CTDSPL: variants seen among roughly 807,000 people sequenced by gnomAD.
CTDSPL encodes CTD small phosphatase-like protein.
Under a neutral mutation model 30.5 loss-of-function variants are expected in CTDSPL, and 8 were observed. The observed-to-expected ratio is 0.26, with a 90% CI of 0.15 to 0.47. CTDSPL has a LOEUF of 0.47. CTDSPL is among the 20% of genes least tolerant of loss of function. The pLI is 0.99. For missense variants in CTDSPL, 248 were observed against 366.1 expected (o/e 0.68, Z 2.63); for synonymous variants, 110 against 137.9 (o/e 0.80, Z 1.42).
At chr3:37,949,431 T>TA (rs904074855) in intron 2 of CTDSPL, among the ~76,000 whole-genome samples, 1 of 152,156 alleles carries the variant, frequency 6.6e-6, no homozygotes, top group Non-Finnish European at 1.5e-5. Flanking sequence ...GGCAGTTGGT[T>TA]AAAAAAACTA....
At chr3:37,969,776 CCCCTCGCTCCA>C (rs1158018019) in intron 5 of CTDSPL, among the ~76,000 whole-genome samples, 1 of 152,224 alleles carries the variant, frequency 6.6e-6, no homozygotes, top group African/African-American at 2.4e-5. Context: ...GTTCCTCCAG[CCCCTCGCTCCA>C]CCCTCAGCCA....
At chr3:37,941,774 A>G (rs567033315) in intron 1 of CTDSPL, among the ~76,000 whole-genome samples, 4 of 150,420 alleles carry the variant, frequency 2.7e-5, no homozygotes, top group African/African-American at 4.8e-5. Context: ...CCTTGGGAAA[A>G]TGGCAGCATG....
At chr3:37,882,165 G>A (rs537382683) in intron 1 of CTDSPL, among the ~76,000 whole-genome samples, 4 of 152,210 alleles carry the variant, frequency 2.6e-5, no homozygotes, top group Non-Finnish European at 5.9e-5. Flanking sequence ...AATATTGGCT[G>A]GGCACGGTGG....
chr3:37,915,861 A>G (rs975212326), intron 1 of CTDSPL, among the ~76,000 whole-genome samples: 1 of 152,228 alleles, frequency 6.6e-6, no homozygotes, highest in African/African-American at 2.4e-5. Context: ...ATAATAGGTG[A>G]AAACTTCTAG....
At chr3:37,918,700 G>A in intron 1 of CTDSPL, among the ~76,000 whole-genome samples, 1 of 152,238 alleles carries the variant, frequency 6.6e-6, no homozygotes, top group East Asian at 1.9e-4. Context: ...TTCTTTAATT[G>A]TGGTAGAGTT....
chr3:37,895,379 T>C (rs2125598584), intron 1 of CTDSPL, among the ~76,000 whole-genome samples: 1 of 152,258 alleles, frequency 6.6e-6, no homozygotes, highest in Middle Eastern at 3.4e-3. Flanking sequence ...AGCCAAAGAT[T>C]TGGGCAGTTT....
At chr3:37,919,897 T>G (rs1432973313) in intron 1 of CTDSPL, among the ~76,000 whole-genome samples, 3 of 151,998 alleles carry the variant, frequency 2.0e-5, no homozygotes, top group Non-Finnish European at 4.4e-5. Flanking sequence ...GGCTAGAAGG[T>G]CAGGAGCCCA....
rs1699412025 is a variant in CTDSPL at position 37,975,254 on chromosome 3, C to G, written c.520-455C>G. Reference sequence around the variant, plus strand: ...GGACGCAGCAGTGAGGAACGTGGGCCTTACTCCAAGTGCGGTGTGTAGACA... The same window carrying G: ...GGACGCAGCAGTGAGGAACGTGGGCGTTACTCCAAGTGCGGTGTGTAGACA... On this transcript the variant is annotated intron_variant, in intron 6 of 7. Coordinates refer to ENST00000273179, the MANE Select transcript of CTDSPL (RefSeq NM_001008392.2). This position sits in a 1 kb window ranked among gnomAD's most constrained non-coding sequence, Gnocchi z 4.9. Among the ~76,000 whole-genome samples, 2 of 152,162 alleles carry G rather than the reference C, an allele frequency of 1.3e-5. No homozygotes were observed. Among genetic ancestry groups the G allele is most frequent in the South Asian group, 4.1e-4 (2 of 4,830 alleles).
chr3:37,965,564 T>G (rs1349639294), intron 4 of CTDSPL, among the ~76,000 whole-genome samples: 1 of 152,180 alleles, frequency 6.6e-6, no homozygotes, highest in African/African-American at 2.4e-5. Flanking sequence ...ACTGCATTCC[T>G]CTTTCCCCCA....
intron 5 of CTDSPL, among the ~76,000 whole-genome samples, chr3:37,969,733 A>G (rs1699344983): frequency 6.6e-6 from 1 of 152,172 alleles, no homozygotes; most frequent in Non-Finnish European, 1.5e-5. Flanking sequence ...CCAGCTCCTC[A>G]GAGCTGTGTT....
At chr3:37,908,066 TA>T (rs1013290066) in intron 1 of CTDSPL, among the ~76,000 whole-genome samples, 2 of 152,228 alleles carry the variant, frequency 1.3e-5, no homozygotes, top group African/African-American at 2.4e-5. Context: ...ACCCTCAGTG[TA>T]GCAGCTAAAC....
chr3:37,977,539 C>G (rs1699442287), intron 7 of CTDSPL, among the ~76,000 whole-genome samples: 1 of 151,560 alleles, frequency 6.6e-6, no homozygotes, highest in Non-Finnish European at 1.5e-5. Context: ...ATCCTCTAAA[C>G]AAGTAATTAG....
At chr3:37,965,903 C>T (rs1699294352) in intron 4 of CTDSPL, among the ~76,000 whole-genome samples, 1 of 152,204 alleles carries the variant, frequency 6.6e-6, no homozygotes, top group African/African-American at 2.4e-5. Flanking sequence ...GAGGACCAGC[C>T]CCTTCCATAG....
At chr3:37,874,081 A>G (rs1420026344) in intron 1 of CTDSPL, among the ~76,000 whole-genome samples, 2 of 152,240 alleles carry the variant, frequency 1.3e-5, no homozygotes, top group African/African-American at 4.8e-5. Flanking sequence ...TTATATCTGG[A>G]TTTAGCACTC....
At chr3:37,879,183 A>G (rs1373661516) in intron 1 of CTDSPL, among the ~76,000 whole-genome samples, 1 of 152,248 alleles carries the variant, frequency 6.6e-6, no homozygotes, top group Non-Finnish European at 1.5e-5. Flanking sequence ...TGAAGTCTTC[A>G]TTCAGGAAGT....
intron 5 of CTDSPL, chr3:37,968,337 A>C (rs1699323480): frequency 2.4e-6 from 1 of 418,986 alleles, no homozygotes; most frequent in South Asian, 1.7e-5. Flanking sequence ...TCTCCAGAGA[A>C]TCTTTAGCAA....
rs547658688 is a variant in CTDSPL, at chr3:37,927,505, G to A, written c.80-19552G>A. Among the ~76,000 whole-genome samples the A allele has an allele frequency of 1.3e-3, 200 of 152,154 alleles. 1 individual carries two copies. Among genetic ancestry groups the A allele is most frequent in the African/African-American group, 4.6e-3 (192 of 41,524 alleles). On this transcript the variant is annotated intron_variant, in intron 1 of 7. Transcript: ENST00000273179. ...GGATAAGGGATCTTCAGGGTACCATGTGTGATGAAGATTGCATAAGGTTGG... is the reference window on the plus strand; with the variant it reads ...GGATAAGGGATCTTCAGGGTACCATATGTGATGAAGATTGCATAAGGTTGG...
intron 2 of CTDSPL, among the ~76,000 whole-genome samples, chr3:37,952,290 G>A (rs911840106): frequency 1.3e-5 from 2 of 152,140 alleles, no homozygotes; most frequent in Non-Finnish European, 2.9e-5. Context: ...AGACAAATAG[G>A]GGATTATTTT....
intron 1 of CTDSPL, among the ~76,000 whole-genome samples, chr3:37,936,223 G>C (rs17037196): frequency 6.6e-6 from 1 of 152,072 alleles, no homozygotes; most frequent in African/African-American, 2.4e-5. Flanking sequence ...TCAAAGGTAC[G>C]TTTCTTTTAT....
Sources: gnomAD v4.1 joint callset for allele counts (sites outside exome capture counted in the v4.1 genomes callset) on GRCh38, gnomAD v4.1.1 for gene constraint, Gnocchi (gnomAD v3.1) non-coding constraint, MANE v1.5 for transcripts, NCBI Gene and HGNC (gene_info 2026-07-23, HGNC 2026-07-21) for gene names.